The following PPARG variants were observed in gnomAD, a reference collection of about 807,000 sequenced individuals.
PPARG encodes the protein peroxisome proliferator activated receptor gamma.
PPARG carries 17 observed loss-of-function variants against 39.2 expected under a neutral mutation model. That is an observed-to-expected ratio of 0.43 (90% confidence interval 0.30 to 0.65). PPARG has a LOEUF of 0.65. Ranked by LOEUF, PPARG falls within the 30% of genes least tolerant of loss-of-function variation. PPARG has a pLI of 0.13. For missense variants in PPARG, 406 were observed against 585.9 expected (o/e 0.69, Z 3.17); for synonymous variants, 223 against 215.7 (o/e 1.03, Z -0.30).
chr3:12,411,345 C>A (rs1575133954), intron 6 of PPARG, among the ~76,000 whole-genome samples: 2 of 152,162 alleles, frequency 1.3e-5, no homozygotes, highest in Admixed American at 6.5e-5. Flanking sequence ...ATTAAGTTTT[C>A]ATTTGTTTGT....
chr3:12,356,908 C>G (rs74373981), intron 2 of PPARG, among the ~76,000 whole-genome samples: 1 of 152,114 alleles, frequency 6.6e-6, no homozygotes, highest in Non-Finnish European at 1.5e-5. Flanking sequence ...CAAATCGTCC[C>G]TGTCCTTCAA....
intron 2 of PPARG, among the ~76,000 whole-genome samples, chr3:12,363,349 A>G (rs1378466961): frequency 6.6e-6 from 1 of 152,254 alleles, no homozygotes; most frequent in Non-Finnish European, 1.5e-5. Context: ...TCTTCAAATC[A>G]GCTCATAACC....
At chr3:12,344,289 G>A (rs1245891150) in intron 2 of PPARG, among the ~76,000 whole-genome samples, 1 of 152,102 alleles carries the variant, frequency 6.6e-6, no homozygotes, top group African/African-American at 2.4e-5. Context: ...ATATTTTCAA[G>A]TCTTCTTACT....
chr3:12,298,256 G>A (rs1425659593), intron 1 of PPARG, among the ~76,000 whole-genome samples: 31 of 113,266 alleles, frequency 2.7e-4, no homozygotes, highest in African/African-American at 1.1e-3. Flanking sequence ...CCGAGATCCC[G>A]CCACTGCACT....
intron 2 of PPARG, among the ~76,000 whole-genome samples, chr3:12,330,613 A>T (rs1358855747): frequency 6.6e-6 from 1 of 152,184 alleles, no homozygotes; most frequent in Non-Finnish European, 1.5e-5. Context: ...TGCCATATAC[A>T]TTGAATTAAG....
At chr3:12,412,735 C>T (rs1001202518) in intron 6 of PPARG, among the ~76,000 whole-genome samples, 2 of 151,904 alleles carry the variant, frequency 1.3e-5, no homozygotes, top group African/African-American at 4.8e-5. Context: ...GGGGAAGGGC[C>T]GAAGCAATTT....
intron 1 of PPARG, among the ~76,000 whole-genome samples, chr3:12,311,638 G>T (rs754333618): frequency 6.6e-6 from 1 of 151,646 alleles, no homozygotes; most frequent in Non-Finnish European, 1.5e-5. Context: ...GTCGGGTCTC[G>T]ATGTTGGCGC....
chr3:12,431,862 C>T (rs1329578281), intron 7 of PPARG, among the ~76,000 whole-genome samples: 1 of 152,032 alleles, frequency 6.6e-6, no homozygotes, highest in Non-Finnish European at 1.5e-5. Context: ...ATCACCTGAA[C>T]CCAGGAGTTG....
At chr3:12,298,338 A>T (rs1446112233) in intron 1 of PPARG, among the ~76,000 whole-genome samples, 1 of 149,776 alleles carries the variant, frequency 6.7e-6, no homozygotes, top group Non-Finnish European at 1.5e-5. Flanking sequence ...GAAATGTAAA[A>T]TAGCAAGCGA....
intron 4 of PPARG, among the ~76,000 whole-genome samples, chr3:12,389,826 G>A (rs2050006940): frequency 6.6e-6 from 1 of 152,140 alleles, no homozygotes; most frequent in Non-Finnish European, 1.5e-5. Context: ...GAACCTGAGA[G>A]GTGAAGGTTG....
chr3:12,356,527 C>T (rs1192183600), intron 2 of PPARG, among the ~76,000 whole-genome samples: 1 of 152,188 alleles, frequency 6.6e-6, no homozygotes, highest in African/African-American at 2.4e-5. Context: ...AATTATTCCT[C>T]ATCACCTCAT....
intron 5 of PPARG, among the ~76,000 whole-genome samples, chr3:12,394,116 AG>A (rs35948804): frequency 6.6e-6 from 1 of 152,164 alleles, no homozygotes; most frequent in African/African-American, 2.4e-5. Context: ...TTCCAAGTCA[AG>A]GGTTGTATTT....
intron 1 of PPARG, among the ~76,000 whole-genome samples, chr3:12,291,292 T>A (rs1451114233): frequency 6.6e-6 from 1 of 152,198 alleles, no homozygotes; most frequent in Non-Finnish European, 1.5e-5. Flanking sequence ...GCAGTGATTT[T>A]AATTGCTTAC....
chr3:12,329,677 G>A (rs886909137), intron 2 of PPARG, among the ~76,000 whole-genome samples: 3 of 152,006 alleles, frequency 2.0e-5, no homozygotes, highest in African/African-American at 7.2e-5. Context: ...CATCTTAAGT[G>A]TACATTGGTA....
At chr3:12,327,174 G>T (rs1002597116) in intron 2 of PPARG, among the ~76,000 whole-genome samples, 1 of 152,218 alleles carries the variant, frequency 6.6e-6, no homozygotes, top group African/African-American at 2.4e-5. Context: ...CTGGATGTTT[G>T]TACCCGGTTT....
At position 12,311,679 on chromosome 3, in the gene PPARG, A is replaced by G. The variant is rs566030066; in HGVS notation, c.-82-701A>G. On this transcript the variant is annotated intron_variant, in intron 1 of 7. Coordinates refer to ENST00000651735, the MANE Select transcript of PPARG (RefSeq NM_138711.6). ...AAGCCCTGATGATAAGGCTTTTGGC[A>G]TTAGATGCTGTTTTGTCTTCATGGA... 5.3e-5 allele frequency among the ~76,000 whole-genome samples: 8 copies of G among 152,322 alleles called. No individual in the cohort carries two copies. In the East Asian group the frequency reaches 1.5e-3, roughly 29 times the overall value.
chr3:12,319,168 A>G (rs911446338), intron 2 of PPARG, among the ~76,000 whole-genome samples: 1 of 152,186 alleles, frequency 6.6e-6, no homozygotes, highest in Admixed American at 6.5e-5. Context: ...CTCTCCTTTT[A>G]AGATTTCAGT....
intron 2 of PPARG, among the ~76,000 whole-genome samples, chr3:12,370,116 A>G (rs557552005): frequency 4.9e-4 from 75 of 152,178 alleles, no homozygotes; most frequent in Non-Finnish European, 7.9e-4. Flanking sequence ...ATGCCTTATC[A>G]TTCTGAAAAT....
At chr3:12,415,881 C>T (rs375782942) in intron 6 of PPARG, among the ~76,000 whole-genome samples, 228 of 151,664 alleles carry the variant, frequency 1.5e-3, no homozygotes, top group Non-Finnish European at 2.0e-3. Context: ...TCATCTAAAA[C>T]GGAAAAGTTA....
Sources: allele counts gnomAD v4.1 joint callset (sites outside exome capture counted in the v4.1 genomes callset), GRCh38; gene constraint gnomAD v4.1.1; transcripts MANE v1.5; gene names NCBI Gene and HGNC (gene_info 2026-07-23, HGNC 2026-07-21).